The following PIBF1 variants were observed in gnomAD, a reference collection of about 807,000 sequenced individuals.
The protein encoded by PIBF1 is progesterone immunomodulatory binding factor 1, also known as progesterone-induced-blocking factor 1.
A neutral mutation model predicts 112.5 loss-of-function variants in PIBF1; 90 were observed. That is an observed-to-expected ratio of 0.80 (90% CI 0.67 to 0.95). The LOEUF (loss-of-function observed/expected upper bound fraction) is 0.95, where lower values mean the gene tolerates loss of function less well. PIBF1 is among the 40% of genes least tolerant of loss of function. The pLI is 0.00. For synonymous variants in PIBF1, 301 were observed against 288.6 expected, an observed-to-expected ratio of 1.04 and a Z score of -0.44; for missense variants, 915 against 852.3, an observed-to-expected ratio of 1.07 and a Z score of -0.92.
At chr13:72,987,858 A>ATTTATTTATTTTTTTTTTTTTTT (rs1345167411) in intron 16 of PIBF1, among the ~76,000 whole-genome samples, 1 of 58,118 alleles carries the variant, frequency 1.7e-5, no homozygotes. Context: ...TTATTTATTT[A>ATTTATTTATTTTTTTTTTTTTTT]TTTTTTTTTT....
chr13:72,990,658 GC>G (rs2043449664), intron 16 of PIBF1, among the ~76,000 whole-genome samples: 1 of 151,898 alleles, frequency 6.6e-6, no homozygotes, highest in African/African-American at 2.4e-5. Flanking sequence ...GACCAGCCTG[GC>G]CAACTTGGTG....
intron 10 of PIBF1, among the ~76,000 whole-genome samples, chr13:72,876,775 A>G (rs1594105509): frequency 1.3e-5 from 2 of 152,266 alleles, no homozygotes; most frequent in African/African-American, 4.8e-5. Context: ...TTGCCCTTGT[A>G]TCCTGCAACA....
intron 10 of PIBF1, among the ~76,000 whole-genome samples, chr13:72,868,736 C>T (rs563464169): frequency 1.6e-3 from 246 of 149,860 alleles, no homozygotes; most frequent in African/African-American, 5.9e-3. Context: ...GTAATCCCTA[C>T]ACTTTGGGAG....
intron 10 of PIBF1, among the ~76,000 whole-genome samples, chr13:72,877,753 C>CTT (rs569331110): frequency 3.6e-5 from 5 of 139,990 alleles, no homozygotes; most frequent in Admixed American, 7.2e-5. Context: ...CTTTTCTTTT[C>CTT]TTTTTTTTTT....
At position 72,931,388 on chromosome 13, in the gene PIBF1, A is replaced by G. The variant is rs372777880; in HGVS notation, c.1833+121A>G. 4.0e-4 allele frequency: 287 copies of G among 722,232 alleles called. 1 individual carries two copies. The highest frequency in any genetic ancestry group is 3.9e-3 in the Middle Eastern group (10 of 2,594). The allele number at this position is 722,232 out of a possible 1,614,324, so 44.7% of individuals were successfully genotyped here. On this transcript the variant is annotated intron_variant, in intron 14 of 17. Transcript: ENST00000326291. Reference sequence around the variant, plus strand: ...TTTGCTAGTACAAAATGATTTCACAATTTATGAAACTAACTGAATGTTAAG... The same window carrying G: ...TTTGCTAGTACAAAATGATTTCACAGTTTATGAAACTAACTGAATGTTAAG...
intron 12 of PIBF1, among the ~76,000 whole-genome samples, chr13:72,911,181 C>G (rs1467514925): frequency 6.6e-6 from 1 of 151,954 alleles, no homozygotes; most frequent in Non-Finnish European, 1.5e-5. Flanking sequence ...ATAGCGTGAC[C>G]TCCTCTCCTC....
intron 11 of PIBF1, among the ~76,000 whole-genome samples, chr13:72,898,784 G>A (rs1173229986): frequency 6.6e-6 from 1 of 151,456 alleles, no homozygotes; most frequent in Non-Finnish European, 1.5e-5. Context: ...GGAGGCAGAG[G>A]TTGCAGTAAG....
At chr13:72,896,223 A>G (rs1594144239) in intron 11 of PIBF1, among the ~76,000 whole-genome samples, 1 of 152,262 alleles carries the variant, frequency 6.6e-6, no homozygotes, top group African/African-American at 2.4e-5. Context: ...ATTTTGGCTC[A>G]CGGGAAGCCA....
chr13:72,830,846 G>A (rs2037071328), intron 8 of PIBF1, among the ~76,000 whole-genome samples: 1 of 152,102 alleles, frequency 6.6e-6, no homozygotes, highest in African/African-American at 2.4e-5. Flanking sequence ...AGAAGGAATG[G>A]TACCAGCTCC....
intron 14 of PIBF1, among the ~76,000 whole-genome samples, chr13:72,940,400 A>G (rs1380129901): frequency 6.6e-6 from 1 of 151,978 alleles, no homozygotes; most frequent in East Asian, 1.9e-4. Flanking sequence ...ACATTCTCAA[A>G]CTTTATTTTC....
intron 6 of PIBF1, among the ~76,000 whole-genome samples, chr13:72,824,618 T>C (rs1159594654): frequency 2.0e-5 from 3 of 152,180 alleles, no homozygotes; most frequent in Non-Finnish European, 4.4e-5. Context: ...TATATGCATG[T>C]AAGAATGACC....
intron 10 of PIBF1, among the ~76,000 whole-genome samples, chr13:72,858,111 G>T (rs1330228047): frequency 1.3e-5 from 2 of 150,530 alleles, no homozygotes; most frequent in East Asian, 4.0e-4. Context: ...GAGTGCAGTG[G>T]CACAATCTCT....
In PIBF1 at chr13:72,854,069, A is replaced by G; in HGVS notation, c.1236A>G (p.Glu412=). The G allele has an allele frequency of 2.5e-6, 4 of 1,610,592 alleles. No individual in the cohort carries two copies. Among genetic ancestry groups the G allele is most frequent in the Non-Finnish European group, 3.4e-6 (4 of 1,177,036 alleles). ...GTTTAAAATTTAGAAATCTCCGAGA[A>G]GCAAGGGATAATGCTGTGGCTGAAA... ...MYERENRNLR[E]ARDNAVAEKE... is the part of the protein sequence containing the mutation. Residue 412 remains glutamate (E), a synonymous_variant, in exon 10 of 18, where the codon GAA becomes GAG. Transcript: ENST00000326291.
chr13:72,821,803 G>A (rs2036566995), intron 5 of PIBF1, 46 bp from the exon 6 acceptor site: 11 of 1,495,970 alleles, frequency 7.4e-6, no homozygotes, highest in Non-Finnish European at 1.0e-5. Flanking sequence ...GGGCAACTAT[G>A]TTAAGTGTTT....
intron 13 of PIBF1, among the ~76,000 whole-genome samples, chr13:72,922,726 C>T (rs1035512336): frequency 6.6e-6 from 1 of 152,152 alleles, no homozygotes; most frequent in African/African-American, 2.4e-5. Flanking sequence ...ACATGTTTTC[C>T]TTTCCTTTAT....
At chr13:72,967,624 TAAGG>T (rs2042776602) in intron 15 of PIBF1, among the ~76,000 whole-genome samples, 1 of 152,150 alleles carries the variant, frequency 6.6e-6, no homozygotes, top group Non-Finnish European at 1.5e-5. Context: ...CTAAAATAAT[TAAGG>T]AAGAGAACAA....
chr13:72,797,494 T>G (rs949322363), intron 4 of PIBF1, among the ~76,000 whole-genome samples: 16 of 152,202 alleles, frequency 1.1e-4, no homozygotes, highest in African/African-American at 3.9e-4. Context: ...AAGGTAATAT[T>G]TGGTCAGAGA....
At position 72,795,361 on chromosome 13, in the gene PIBF1, A is replaced by T; in HGVS notation, c.356A>T (p.Lys119Ile). ...QLAFQQKDAS[K>I]YQELMKQEME... The stretch of plus-strand genomic sequence containing the variant: ...CCATAAATTCTCTTCTAATGTAGCA[A>T]ATATCAAGAATTAATGAAACAAGAA... Residue 119 changes from lysine (K) to isoleucine (I), a missense_variant and splice_region_variant, in exon 4 of 18, where the codon AAA (lysine) becomes ATA (isoleucine). Coordinates refer to ENST00000326291, the MANE Select transcript of PIBF1 (RefSeq NM_006346.4). 1 of 1,566,382 alleles carries T rather than the reference A, an allele frequency of 6.4e-7. No individual in the cohort carries two copies. The highest frequency in any genetic ancestry group is 8.7e-7 in the Non-Finnish European group (1 of 1,148,758).
intron 8 of PIBF1, among the ~76,000 whole-genome samples, chr13:72,829,350 G>C (rs1192468970): frequency 2.0e-5 from 3 of 152,124 alleles, no homozygotes; most frequent in African/African-American, 4.8e-5. Flanking sequence ...TGAAGTCTTT[G>C]CCCATGCCTA....
Sources: gnomAD v4.1 joint callset for allele counts (sites outside exome capture counted in the v4.1 genomes callset) on GRCh38, gnomAD v4.1.1 for gene constraint, MANE v1.5 for transcripts, NCBI Gene and HGNC (gene_info 2026-07-23, HGNC 2026-07-21) for gene names.